Variants in UGT1A10 observed in about 807,000 individuals in gnomAD.
The protein encoded by UGT1A10 is UDP glucuronosyltransferase family 1 member A10, also known as UDP-glucuronosyltransferase 1A10.
Under a neutral mutation model 45.8 loss-of-function variants are expected in UGT1A10, and 49 were observed. The ratio of observed to expected loss-of-function variants is 1.07; its 90% CI spans 0.85 to 1.36. The LOEUF (loss-of-function observed/expected upper bound fraction) is 1.36. Among genes scored for constraint, UGT1A10 ranks in the 40% most tolerant of loss-of-function variants. The probability of loss-of-function intolerance (pLI) is 0.00; values close to 1 mark genes in which losing one functional copy is unlikely to be tolerated. For missense variants in UGT1A10, 745 were observed against 668.6 expected (o/e 1.11, Z -1.26); for synonymous variants, 284 against 249.7 (o/e 1.14, Z -1.29).
At chr2:233,730,965 G>A (rs1412935935) in intron 1 of UGT1A10, among the ~76,000 whole-genome samples, 2 of 152,130 alleles carry the variant, frequency 1.3e-5, no homozygotes, top group African/African-American at 2.4e-5. Flanking sequence ...ATGGTACTCT[G>A]GGACCTGAAT....
chr2:233,719,883 T>C (rs871514), intron 1 of UGT1A10, among the ~76,000 whole-genome samples: 81,602 of 151,974 alleles, frequency 0.54, 23,564 homozygotes, highest in African/African-American at 0.76. Context: ...GAGGCACGGA[T>C]GAGGGTCTGT....
chr2:233,763,586 T>C (rs1253183119), intron 1 of UGT1A10, among the ~76,000 whole-genome samples: 1 of 152,240 alleles, frequency 6.6e-6, no homozygotes, highest in Non-Finnish European at 1.5e-5. Flanking sequence ...TTTCTTCCTT[T>C]GTTAACTAAA....
chr2:233,764,196 C>T (rs923801635), intron 1 of UGT1A10, among the ~76,000 whole-genome samples: 7 of 152,120 alleles, frequency 4.6e-5, no homozygotes, highest in African/African-American at 1.7e-4. Flanking sequence ...TCAGGGGCAT[C>T]TCATCTTTTC....
chr2:233,740,463 A>G (rs1427389799), intron 1 of UGT1A10, among the ~76,000 whole-genome samples: 2 of 151,964 alleles, frequency 1.3e-5, no homozygotes, highest in Non-Finnish European at 2.9e-5. Context: ...AAGATGATGG[A>G]CAGAAAGGAT....
chr2:233,671,817 TA>T (rs2074200411), intron 1 of UGT1A10: 1 of 1,423,562 alleles, frequency 7.0e-7, no homozygotes, highest in Non-Finnish European at 9.2e-7. Context: ...ATTTTTTTTT[TA>T]TGAAAGGATA....
chr2:233,755,134 ATCT>A (rs1231510836), intron 1 of UGT1A10: 15 of 1,316,668 alleles, frequency 1.1e-5, no homozygotes, highest in Non-Finnish European at 1.5e-5. Flanking sequence ...ACCTGCTTGA[ATCT>A]TCTCACCGCT....
rs45437497 is a variant in UGT1A10, at chr2:233,682,211, G to A, written c.855+44834G>A. 52 of 1,614,224 alleles carry A rather than the reference G, an allele frequency of 3.2e-5. No homozygotes were observed. The African/African-American group carries it at 6.9e-4, about 22-fold the overall frequency. Reference sequence around the variant, plus strand: ...GGAGGATCAGGACCGGGAGTTCATGGTTTTTGCCGATGCTCGCTGGACGGC... The same window carrying A: ...GGAGGATCAGGACCGGGAGTTCATGATTTTTGCCGATGCTCGCTGGACGGC... On this transcript the variant is annotated intron_variant, in intron 1 of 4. Coordinates refer to ENST00000344644, the MANE Select transcript of UGT1A10 (RefSeq NM_019075.4).
At position 233,711,088 on chromosome 2, in the gene UGT1A10, A is replaced by G. The variant is rs145698870; in HGVS notation, c.856-55946A>G. ...CACTTATGCTGATGGCTCCAAGTCTATCTGTGCAGCCCAGACCCCTCCTCA... is the reference window on the plus strand; with the variant it reads ...CACTTATGCTGATGGCTCCAAGTCTGTCTGTGCAGCCCAGACCCCTCCTCA... On this transcript the variant is annotated intron_variant, in intron 1 of 4. Coordinates refer to ENST00000344644, the MANE Select transcript of UGT1A10 (RefSeq NM_019075.4). Among the ~76,000 whole-genome samples, 1,153 of 152,228 alleles carry G rather than the reference A, an allele frequency of 7.6e-3. 11 individuals carry two copies. The highest frequency in any genetic ancestry group is 0.025 in the African/African-American group (1,043 of 41,536).
At chr2:233,757,558 A>ATATATATATATG (rs1553619909) in intron 1 of UGT1A10, among the ~76,000 whole-genome samples, 2 of 124,446 alleles carry the variant, frequency 1.6e-5, no homozygotes, top group East Asian at 4.2e-4. Context: ...ATATATATAT[A>ATATATATATATG]TATGTATATA....
chr2:233,662,733 T>C (rs1443235801), intron 1 of UGT1A10, among the ~76,000 whole-genome samples: 1 of 152,152 alleles, frequency 6.6e-6, no homozygotes, highest in Admixed American at 6.5e-5. Flanking sequence ...TCTTTCACCA[T>C]TAAGGATGAT....
chr2:233,733,436 G>T (rs2078397447), intron 1 of UGT1A10, among the ~76,000 whole-genome samples: 1 of 152,134 alleles, frequency 6.6e-6, no homozygotes, highest in African/African-American at 2.4e-5. Flanking sequence ...TATGATATTG[G>T]CTGCGGGTTT....
intron 1 of UGT1A10, among the ~76,000 whole-genome samples, chr2:233,664,705 C>A (rs1283210690): frequency 6.6e-6 from 1 of 152,166 alleles, no homozygotes; most frequent in African/African-American, 2.4e-5. Context: ...GGATCCACCC[C>A]CATGATCCAA....
chr2:233,759,815 C>T (rs1383098545), intron 1 of UGT1A10, among the ~76,000 whole-genome samples: 3 of 152,074 alleles, frequency 2.0e-5, no homozygotes, highest in Non-Finnish European at 4.4e-5. Flanking sequence ...CAGGCAGTAC[C>T]GGGGGAGCTG....
chr2:233,710,145 T>C (rs1309265551), intron 1 of UGT1A10, among the ~76,000 whole-genome samples: 3 of 152,254 alleles, frequency 2.0e-5, no homozygotes, highest in Non-Finnish European at 4.4e-5. Context: ...TGTATAGATA[T>C]ATCATCATTT....
chr2:233,713,425 C>T (rs748267657), intron 1 of UGT1A10: 29 of 1,614,004 alleles, frequency 1.8e-5, no homozygotes, highest in Non-Finnish European at 2.4e-5. Context: ...CATGCTACTT[C>T]CTTTGATGTG....
At position 233,725,275 on chromosome 2, in the gene UGT1A10, CAGAGGCAGAG is replaced by C. The variant is rs2077421204; in HGVS notation, c.856-41758_856-41749del. On this transcript the variant is annotated intron_variant, in intron 1 of 4. Coordinates refer to ENST00000344644, the MANE Select transcript of UGT1A10 (RefSeq NM_019075.4). ...GAGGCAGAGGCAGAGGAGGCAGAGG[CAGAGGCAGAG>C]GCAGAGGCAGAGGCAGAGGCAGAGG... 7.5e-5 allele frequency among the ~76,000 whole-genome samples: 2 copies of C among 26,790 alleles called. 1 individual carries two copies. Among genetic ancestry groups the C allele is most frequent in the Admixed American group, 6.8e-4 (2 of 2,920 alleles). The allele number at this position is 26,790 out of a possible 152,430, so 17.6% of individuals were successfully genotyped here.
intron 1 of UGT1A10, among the ~76,000 whole-genome samples, chr2:233,644,245 C>T (rs1377015739): frequency 6.6e-6 from 1 of 152,200 alleles, no homozygotes; most frequent in African/African-American, 2.4e-5. Context: ...CTGAGATCAG[C>T]AATTTCCCTC....
chr2:233,723,946 G>C (rs1413540924), intron 1 of UGT1A10, among the ~76,000 whole-genome samples: 2 of 53,094 alleles, frequency 3.8e-5, no homozygotes, highest in Non-Finnish European at 6.6e-5. Flanking sequence ...ACACAGACAC[G>C]GCAACCATCC....
In UGT1A10 at chr2:233,755,028, C is replaced by T; in HGVS notation, c.856-12006C>T. 4 of 1,311,690 alleles carry T rather than the reference C, an allele frequency of 3.0e-6. 1 individual carries two copies. In the South Asian group the frequency reaches 4.6e-5, roughly 15 times the overall value. 81.3% of individuals were successfully genotyped at this position (1,311,690 alleles called of 1,614,324 possible). On this transcript the variant is annotated intron_variant, in intron 1 of 4. Transcript: ENST00000344644. ...CTACTCGAAGGGGTCCTTGAAGGGC[C>T]TGCCGCCTGCGCAGCCGCCCTCCGC...
Sources: allele counts gnomAD v4.1 joint callset (sites outside exome capture counted in the v4.1 genomes callset), GRCh38; gene constraint gnomAD v4.1.1; transcripts MANE v1.5; gene names NCBI Gene and HGNC (gene_info 2026-07-23, HGNC 2026-07-21).